Variants in RGS12 observed in about 807,000 individuals in gnomAD.
RGS12 encodes regulator of G-protein signaling 12.
In RGS12, 66 loss-of-function variants were observed where a neutral mutation model predicts 120.1. That is an observed-to-expected ratio of 0.55 (90% CI 0.45 to 0.67). The LOEUF (loss-of-function observed/expected upper bound fraction) is 0.67, where lower values mean the gene tolerates loss of function less well. Among genes scored for constraint, RGS12 ranks in the 30% least tolerant of loss-of-function variants. RGS12 has a pLI of 0.00. For synonymous variants in RGS12, 827 were observed against 804.7 expected (o/e 1.03, Z -0.47); for missense variants, 1,859 against 1,957.7 (o/e 0.95, Z 0.95).
At chr4:3,417,279 C>G (rs1400250189) in intron 8 of RGS12, 109 bp from the exon 9 acceptor site, 1 of 1,340,800 alleles carries the variant, frequency 7.5e-7, no homozygotes, top group African/African-American at 1.5e-5. Flanking sequence ...AGAAGTGATA[C>G]CATCCCATAG....
At position 3,366,668 on chromosome 4, in the gene RGS12, C is replaced by A. The variant is rs1388986814; in HGVS notation, c.1999-19748C>A. 6.6e-6 allele frequency among the ~76,000 whole-genome samples: 1 copy of A among 152,206 alleles called. No individual in the cohort carries two copies. Among genetic ancestry groups the A allele is most frequent in the Non-Finnish European group, 1.5e-5 (1 of 68,034 alleles). ...GTGCTTCTGTTCCCTCCAGGTCGAG[C>A]TGTGCGCCAGGCATGGCCGGAAAGC... On this transcript the variant is annotated intron_variant, in intron 3 of 17. Coordinates refer to ENST00000336727, the MANE Select transcript of RGS12 (RefSeq NM_001394154.1). The surrounding 1 kb of genome is among the most constrained non-coding windows in gnomAD (Gnocchi z 4.0).
In RGS12 at chr4:3,428,302, C is replaced by A. The variant is rs749765578; in HGVS notation, c.3411+133C>A. 5.5e-6 allele frequency: 5 copies of A among 914,334 alleles called. No homozygotes were observed. In the South Asian group the frequency reaches 6.8e-5, roughly 12 times the overall value. 56.6% of individuals were successfully genotyped at this position (914,334 alleles called of 1,614,324 possible). ...TCTCCCCCACGCTCCTTGGCGGGGT[C>A]TCTCTCGTCCCTGCCGATGCCCAGC... On this transcript the variant is annotated intron_variant, in intron 15 of 17. Coordinates refer to ENST00000336727, the MANE Select transcript of RGS12 (RefSeq NM_001394154.1).
rs537438632 is a variant in RGS12 at position 3,332,291 on chromosome 4, C to T, written c.1882-10646C>T. On this transcript the variant is annotated intron_variant, in intron 2 of 17. Transcript: ENST00000336727. The stretch of plus-strand genomic sequence containing the variant: ...GGCGGTGTATTGATTCGTTTTGCTG[C>T]TGCTTCAGTTTTATAGAAATGGCTT... 1.0e-3 allele frequency among the ~76,000 whole-genome samples: 159 copies of T among 152,334 alleles called. No homozygotes were observed. In the Middle Eastern group the frequency reaches 0.014, roughly 13 times the overall value.
chr4:3,417,503 G>A lies in RGS12; in HGVS notation c.2723G>A (p.Arg908Lys), dbSNP rs769133367. 1.9e-6 allele frequency: 3 copies of A among 1,613,370 alleles called. No individual in the cohort carries two copies. The highest frequency in any genetic ancestry group is 2.5e-6 in the Non-Finnish European group (3 of 1,179,966). Residue 908 changes from arginine to lysine, a missense_variant, in exon 9 of 18, where the codon AGG (arginine) becomes AAG (lysine). Arg to Lys is a conservative substitution (Grantham distance 26, BLOSUM62 2). Transcript: ENST00000336727. ...FSWSRTRSTG[R>K]SQKKREHGDH... ...TGGTCGCGGACCAGGAGCACCGGGAGGTCCCAGAAAAAGAGGGAGCACGGG... is the reference window on the plus strand; with the variant it reads ...TGGTCGCGGACCAGGAGCACCGGGAAGTCCCAGAAAAAGAGGGAGCACGGG...
intron 1 of RGS12, among the ~76,000 whole-genome samples, chr4:3,299,421 A>C (rs1723555013): frequency 6.6e-6 from 1 of 152,244 alleles, no homozygotes; most frequent in Non-Finnish European, 1.5e-5. Context: ...TAGTTGGTGC[A>C]GCTCTCTCCT....
chr4:3,414,617 C>A, intron 5 of RGS12, 135 bp from the exon 6 acceptor site: 3 of 686,422 alleles, frequency 4.4e-6, no homozygotes, highest in South Asian at 1.8e-5. Context: ...TGCTGGGCAG[C>A]GATGAGGTTT....
chr4:3,410,061 G>T (rs1721574094), intron 4 of RGS12, among the ~76,000 whole-genome samples: 1 of 152,168 alleles, frequency 6.6e-6, no homozygotes, highest in Non-Finnish European at 1.5e-5. Context: ...TTCTCCCTCA[G>T]TTCTCAGCTA....
At chr4:3,307,051 C>G (rs945505505) in intron 1 of RGS12, among the ~76,000 whole-genome samples, 1 of 152,190 alleles carries the variant, frequency 6.6e-6, no homozygotes, top group African/African-American at 2.4e-5. Flanking sequence ...TGAGTTGGTG[C>G]TGACCAAGTT....
rs1226477313 is a variant in RGS12, at chr4:3,414,108, A to G, written c.2057A>G (p.Asn686Ser). 6.4e-7 allele frequency: 1 copy of G among 1,574,692 alleles called. No homozygotes were observed. Among genetic ancestry groups the G allele is most frequent in the Non-Finnish European group, 8.6e-7 (1 of 1,166,858 alleles). ...GCCGACCTGAAGGACTGCGTCAGCA[A>G]CAACAGCCTGAGCAGCAATGCCAGC... Reference protein sequence around the residue: ...TGADLKDCVSNNSLSSNASLP... With the variant: ...TGADLKDCVSSNSLSSNASLP... Residue 686 changes from asparagine to serine, a missense_variant, in exon 5 of 18, where the codon AAC (asparagine) becomes AGC (serine). Physicochemically the swap from Asn to Ser is conservative, Grantham distance 46. Coordinates refer to ENST00000336727, the MANE Select transcript of RGS12 (RefSeq NM_001394154.1).
At chr4:3,438,331 G>A (rs1404715129) in intron 17 of RGS12, among the ~76,000 whole-genome samples, 1 of 151,782 alleles carries the variant, frequency 6.6e-6, no homozygotes, top group Non-Finnish European at 1.5e-5. Flanking sequence ...CCCGAAGCCT[G>A]CTCCTCTGGG....
rs767561473 is a variant in RGS12, at chr4:3,417,016, C to T, written c.2531C>T (p.Ser844Leu). 56 of 1,613,286 alleles carry T rather than the reference C, an allele frequency of 3.5e-5. No individual in the cohort carries two copies. The highest frequency in any genetic ancestry group is 6.7e-5 in the East Asian group (3 of 44,894). ...GTGGAGGGCCGTGCACTCCCGGACTCGCAGCAGGTCCCCAGCAGCCCGGCT... is the reference window on the plus strand; with the variant it reads ...GTGGAGGGCCGTGCACTCCCGGACTTGCAGCAGGTCCCCAGCAGCCCGGCT... ...AEVEGRALPD[S>L]QQVPSSPASK... is the part of the protein sequence containing the mutation. Residue 844 changes from serine to leucine, a missense_variant, in exon 8 of 18, where the codon TCG (serine) becomes TTG (leucine). Physicochemically the swap from Ser to Leu is moderately radical, Grantham distance 145. This residue lies in a region of RGS12 where 375 missense variants were observed against 475.0 expected (regional missense o/e 0.79). Coordinates refer to ENST00000336727, the MANE Select transcript of RGS12 (RefSeq NM_001394154.1).
chr4:3,415,625 G>A (rs891488675), intron 6 of RGS12, among the ~76,000 whole-genome samples: 1 of 152,176 alleles, frequency 6.6e-6, no homozygotes, highest in Non-Finnish European at 1.5e-5. Flanking sequence ...TCCAGGCTTC[G>A]GGGCTGCTTT....
chr4:3,367,626 A>C (rs1458838660), intron 3 of RGS12, among the ~76,000 whole-genome samples: 1 of 152,214 alleles, frequency 6.6e-6, no homozygotes, highest in Non-Finnish European at 1.5e-5. Context: ...CAGGGGGCTC[A>C]TCCCCGTCTC....
At chr4:3,306,946 T>G (rs1724003252) in intron 1 of RGS12, among the ~76,000 whole-genome samples, 1 of 152,202 alleles carries the variant, frequency 6.6e-6, no homozygotes, top group Admixed American at 6.5e-5. Context: ...GGCTTCTTCC[T>G]AGCTCCTCAT....
At position 3,375,789 on chromosome 4, in the gene RGS12, T is replaced by C. The variant is rs373778099; in HGVS notation, c.1999-10627T>C. On this transcript the variant is annotated intron_variant, in intron 3 of 17. Transcript: ENST00000336727. ...GCCTCATCTCCAGCACGGGATGAGC[T>C]CCTGGTGGCCAGCTGTGTTACGCCA... Among the ~76,000 whole-genome samples, 411 of 152,096 alleles carry C rather than the reference T, an allele frequency of 2.7e-3. 2 individuals are homozygous for C. The highest frequency in any genetic ancestry group is 9.2e-3 in the African/African-American group (381 of 41,454).
intron 2 of RGS12, among the ~76,000 whole-genome samples, chr4:3,326,447 A>T (rs1371473647): frequency 6.6e-6 from 1 of 152,120 alleles, no homozygotes; most frequent in African/African-American, 2.4e-5. Context: ...GGAGTCTCAC[A>T]GTGTAGCCCA....
intron 17 of RGS12, among the ~76,000 whole-genome samples, chr4:3,436,755 C>T (rs138448960): frequency 1.0e-3 from 159 of 152,274 alleles, no homozygotes; most frequent in East Asian, 1.7e-3. Context: ...GACCGGCAGC[C>T]GGTGAGGGGC....
chr4:3,300,176 C>T lies in RGS12; in HGVS notation c.-102+7077C>T, dbSNP rs547193157. On this transcript the variant is annotated intron_variant, in intron 1 of 17. Transcript: ENST00000336727. ...TTGCACTCTGCTGGGAACAGGTGCT[C>T]GCCTCGGAGGCGCCCAGGCCTTCAC... Among the ~76,000 whole-genome samples, 104 of 152,304 alleles carry T rather than the reference C, an allele frequency of 6.8e-4. 1 individual carries two copies. The highest frequency in any genetic ancestry group is 2.0e-3 in the African/African-American group (85 of 41,560).
upstream of RGS12, among the ~76,000 whole-genome samples, chr4:3,291,882 T>TG (rs1440708369): frequency 1.3e-5 from 2 of 152,228 alleles, no homozygotes; most frequent in Non-Finnish European, 2.9e-5. Context: ...GGAACCCTGC[T>TG]GGACTCTTAA....
Sources: gnomAD v4.1 joint callset for allele counts (sites outside exome capture counted in the v4.1 genomes callset) on GRCh38, gnomAD v4.1.1 for gene constraint, gnomAD v4.1.1 regional missense constraint, Gnocchi (gnomAD v3.1) non-coding constraint, MANE v1.5 for transcripts, NCBI Gene and HGNC (gene_info 2026-07-23, HGNC 2026-07-21) for gene names.